CDC14B: variants seen among roughly 807,000 people sequenced by gnomAD.
The protein encoded by CDC14B is dual specificity protein phosphatase CDC14B.
CDC14B carries 22 observed loss-of-function variants against 64.2 expected under a neutral mutation model. That is an observed-to-expected ratio of 0.34 (90% CI 0.24 to 0.49). The LOEUF (loss-of-function observed/expected upper bound fraction) is 0.49, where lower values mean the gene tolerates loss of function less well. Among genes scored for constraint, CDC14B ranks in the 20% least tolerant of loss-of-function variants. The probability of loss-of-function intolerance (pLI) is 0.99; values close to 1 mark genes in which losing one functional copy is unlikely to be tolerated. For synonymous variants in CDC14B, 191 were observed against 215.8 expected, an observed-to-expected ratio of 0.89 and a Z score of 1.01; for missense variants, 498 against 629.9, an observed-to-expected ratio of 0.79 and a Z score of 2.24.
intron 1 of CDC14B, chr9:96,566,788 A>G (rs1287006361): frequency 6.2e-7 from 1 of 1,607,634 alleles, no homozygotes; most frequent in Non-Finnish European, 8.5e-7. Flanking sequence ...CTCGGCTACC[A>G]AAGCTGCCCC....
intron 12 of CDC14B, among the ~76,000 whole-genome samples, chr9:96,511,647 C>G (rs1199133406): frequency 6.6e-6 from 1 of 152,170 alleles, no homozygotes; most frequent in Non-Finnish European, 1.5e-5. Flanking sequence ...GCTTTCCCCA[C>G]TATTTCACTT....
intron 1 of CDC14B, chr9:96,567,097 T>G: frequency 4.0e-6 from 3 of 754,404 alleles, no homozygotes; most frequent in Non-Finnish European, 3.9e-6. Flanking sequence ...GCCGCCCGCC[T>G]TCCTTCCCCA....
In CDC14B at chr9:96,600,048, T is replaced by G. The variant is rs151106091; in HGVS notation, c.160+19171A>C. Reference sequence around the variant, plus strand: ...CCTGGCCGTTATTTCTAAATGTAACTTTTCTATAAATCCAATTTTATTCCA... The same window carrying G: ...CCTGGCCGTTATTTCTAAATGTAACGTTTCTATAAATCCAATTTTATTCCA... On this transcript the variant is annotated intron_variant, in intron 1 of 13. Coordinates refer to ENST00000375241, the MANE Select transcript of CDC14B (RefSeq NM_033331.4). Among the ~76,000 whole-genome samples, 11 of 151,914 alleles carry G rather than the reference T, an allele frequency of 7.2e-5. No homozygotes were observed. In the East Asian group the frequency reaches 2.1e-3, roughly 30 times the overall value.
intron 7 of CDC14B, chr9:96,538,541 G>A (rs1215760311): frequency 6.6e-6 from 1 of 152,514 alleles, no homozygotes; most frequent in Non-Finnish European, 1.5e-5. Context: ...GCAACAAAGT[G>A]AAACCCCATC....
Position 96,502,331 on chromosome 9 carries a change from T to C in CDC14B, c.*1422A>G, listed in dbSNP as rs1290169981. 6.6e-6 allele frequency: 1 copy of C among 152,298 alleles called. No individual in the cohort carries two copies. The highest frequency in any genetic ancestry group is 1.5e-5 in the Non-Finnish European group (1 of 68,074). The allele number at this position is 152,298 out of a possible 1,614,324, so 9.4% of individuals were successfully genotyped here. On this transcript the variant is annotated 3_prime_UTR_variant, in exon 14 of 14. Transcript: ENST00000375241. ...GAGGCACTGCCTTTCAATTACTTTTTGCATTAAAGACTTTTAACTTGTTTA... is the reference window on the plus strand; with the variant it reads ...GAGGCACTGCCTTTCAATTACTTTTCGCATTAAAGACTTTTAACTTGTTTA...
At chr9:96,522,830 G>T (rs1836954202) in intron 11 of CDC14B, among the ~76,000 whole-genome samples, 1 of 152,180 alleles carries the variant, frequency 6.6e-6, no homozygotes, top group Admixed American at 6.5e-5. Context: ...AGTGAAGAGG[G>T]TTAATGGGCT....
intron 7 of CDC14B, among the ~76,000 whole-genome samples, chr9:96,538,009 T>C (rs751257024): frequency 6.6e-6 from 1 of 152,164 alleles, no homozygotes; most frequent in Non-Finnish European, 1.5e-5. Context: ...CATGAGCCAC[T>C]GCGCCTGGCA....
chr9:96,565,155 G>GTACA (rs1843733068), intron 2 of CDC14B, among the ~76,000 whole-genome samples: 1 of 151,122 alleles, frequency 6.6e-6, no homozygotes, highest in Admixed American at 6.6e-5. Flanking sequence ...ATCTTACTTA[G>GTACA]TACACATTTA....
chr9:96,580,811 A>T (rs1252355060), intron 1 of CDC14B, among the ~76,000 whole-genome samples: 1 of 152,250 alleles, frequency 6.6e-6, no homozygotes, highest in African/African-American at 2.4e-5. Flanking sequence ...AAGTAGATCA[A>T]TATGTAATCT....
chr9:96,591,831 C>T (rs544222095), intron 1 of CDC14B, among the ~76,000 whole-genome samples: 76 of 151,292 alleles, frequency 5.0e-4, no homozygotes, highest in African/African-American at 1.7e-3. Flanking sequence ...CTGCAAGCTC[C>T]GCCTCCCGGG....
chr9:96,536,288 T>C (rs957312406), intron 7 of CDC14B, among the ~76,000 whole-genome samples: 1 of 152,214 alleles, frequency 6.6e-6, no homozygotes, highest in African/African-American at 2.4e-5. Flanking sequence ...ATCTCTACAG[T>C]AGTAACAGGG....
intron 1 of CDC14B, among the ~76,000 whole-genome samples, chr9:96,615,121 G>A (rs1847543054): frequency 2.0e-5 from 3 of 152,144 alleles, no homozygotes; most frequent in Admixed American, 1.3e-4. Context: ...GATTACAGAC[G>A]TGAGACACTG....
chr9:96,519,947 AT>A (rs1342157274), intron 12 of CDC14B, among the ~76,000 whole-genome samples: 3 of 152,210 alleles, frequency 2.0e-5, no homozygotes, highest in Non-Finnish European at 4.4e-5. Flanking sequence ...TTGATTTTGT[AT>A]TTTTCAACCC....
At chr9:96,505,164 G>C (rs980548372) in intron 13 of CDC14B, among the ~76,000 whole-genome samples, 2 of 150,396 alleles carry the variant, frequency 1.3e-5, no homozygotes, top group Admixed American at 1.3e-4. Context: ...CTGGGTAACA[G>C]AGTGAGACTC....
chr9:96,502,974 A>G lies in CDC14B; in HGVS notation c.*779T>C, dbSNP rs1163904224. The G allele has an allele frequency of 1.0e-5, 4 of 398,200 alleles. No individual in the cohort carries two copies. The highest frequency in any genetic ancestry group is 1.3e-5 in the Non-Finnish European group (3 of 225,760). 24.7% of individuals were successfully genotyped at this position (398,200 alleles called of 1,614,324 possible). A position where few individuals can be genotyped will look rare whatever the true frequency, so the allele number is the denominator to read the frequency against. On this transcript the variant is annotated 3_prime_UTR_variant, in exon 14 of 14. Coordinates refer to ENST00000375241, the MANE Select transcript of CDC14B (RefSeq NM_033331.4). ...TTTTAATTTGTATGACTGGCAACCA[A>G]ACAATGGGCAGCCTCCCAGTTCTTC...
intron 1 of CDC14B, among the ~76,000 whole-genome samples, chr9:96,603,138 T>C (rs1359067462): frequency 6.8e-6 from 1 of 146,428 alleles, no homozygotes; most frequent in African/African-American, 2.6e-5. Flanking sequence ...GTGGTGTCAT[T>C]TGAGGTGATA....
At chr9:96,583,200 A>G (rs1419572517) in intron 1 of CDC14B, among the ~76,000 whole-genome samples, 1 of 152,066 alleles carries the variant, frequency 6.6e-6, no homozygotes, top group East Asian at 1.9e-4. Context: ...TCATTGGTGA[A>G]ATTAGTGACT....
chr9:96,597,545 C>T (rs1846168837), intron 1 of CDC14B, among the ~76,000 whole-genome samples: 1 of 145,404 alleles, frequency 6.9e-6, no homozygotes, highest in South Asian at 2.2e-4. Flanking sequence ...TTAAAGTATT[C>T]AAAGAAAAAA....
intron 9 of CDC14B, 79 bp from the exon 10 acceptor site, chr9:96,523,804 A>G: frequency 6.9e-7 from 1 of 1,440,766 alleles, no homozygotes; most frequent in Non-Finnish European, 9.5e-7. Context: ...GAATTTTTTT[A>G]AAAGGCTTCT....
Sources: allele counts gnomAD v4.1 joint callset (sites outside exome capture counted in the v4.1 genomes callset), GRCh38; gene constraint gnomAD v4.1.1; transcripts MANE v1.5; gene names NCBI Gene and HGNC (gene_info 2026-07-23, HGNC 2026-07-21).